Variants in LPIN1 observed in about 807,000 individuals in gnomAD.
LPIN1 encodes the protein lipin 1.
Under a neutral mutation model 107.5 loss-of-function variants are expected in LPIN1, and 71 were observed. The observed-to-expected ratio is 0.66, with a 90% confidence interval of 0.55 to 0.80. The LOEUF is 0.80. Ranked by LOEUF, LPIN1 falls within the 30% of genes least tolerant of loss-of-function variation. The pLI is 0.00. For synonymous variants in LPIN1, 445 were observed against 452.6 expected, an observed-to-expected ratio of 0.98 and a Z score of 0.21; for missense variants, 1,043 against 1,160.6, an observed-to-expected ratio of 0.90 and a Z score of 1.47.
intron 14 of LPIN1, among the ~76,000 whole-genome samples, chr2:11,801,149 G>A (rs1325467277): frequency 6.6e-6 from 1 of 152,224 alleles, no homozygotes; most frequent in Non-Finnish European, 1.5e-5. Flanking sequence ...CTTAAACACT[G>A]TTGGTGGGAA....
At chr2:11,741,585 C>T (rs146825473) in intron 2 of LPIN1, among the ~76,000 whole-genome samples, 152 of 151,652 alleles carry the variant, frequency 1.0e-3, no homozygotes, top group African/African-American at 3.4e-3. Context: ...GGCAACATGG[C>T]GAAACCCTGT....
intron 2 of LPIN1, among the ~76,000 whole-genome samples, chr2:11,715,292 C>T (rs1434916750): frequency 6.6e-6 from 1 of 152,156 alleles, no homozygotes; most frequent in Non-Finnish European, 1.5e-5. Flanking sequence ...GCAGGACACA[C>T]GAGAGGCAGG....
At chr2:11,762,433 G>T (rs562547073) in intron 1 of LPIN1, among the ~76,000 whole-genome samples, 2 of 151,202 alleles carry the variant, frequency 1.3e-5, no homozygotes, top group Admixed American at 6.6e-5. Context: ...GAGGTTGGGG[G>T]TGGGGTGGTG....
intron 1 of LPIN1, among the ~76,000 whole-genome samples, chr2:11,734,580 A>C (rs1665592564): frequency 6.6e-6 from 1 of 152,184 alleles, no homozygotes; most frequent in Non-Finnish European, 1.5e-5. Context: ...GACAGGAGAT[A>C]GTTTTGCATC....
chr2:11,683,449 A>T (rs896031829), intron 1 of LPIN1: 2 of 152,372 alleles, frequency 1.3e-5, no homozygotes, highest in Non-Finnish European at 2.9e-5. Flanking sequence ...GACATGGGAG[A>T]TGGGAGCGGC....
chr2:11,771,670 A>T lies in LPIN1; in HGVS notation c.587A>T (p.Glu196Val), dbSNP rs1308137197. ...MSSDEAMELLESSRTLPNDIP... is the reference protein window; with the variant it reads ...MSSDEAMELLVSSRTLPNDIP... ...TCGGATGAGGCCATGGAGCTGCTGG[A>T]GAGCAGCAGGTAATAACTGTCCAGG... The change falls in exon 4 of 21, where the codon GAG becomes GTG. Residue 196 changes from glutamate to valine, a missense_variant. Transcript: ENST00000674199. This position sits in a 1 kb window ranked among gnomAD's most constrained non-coding sequence, Gnocchi z 4.8. 1 of 1,589,840 alleles carries T rather than the reference A, an allele frequency of 6.3e-7. No individual in the cohort carries two copies. The highest frequency in any genetic ancestry group is 2.3e-5 in the East Asian group (1 of 44,254).
intron 17 of LPIN1, among the ~76,000 whole-genome samples, chr2:11,808,771 G>T (rs1466682474): frequency 7.2e-5 from 11 of 151,830 alleles, no homozygotes; most frequent in African/African-American, 1.9e-4. Flanking sequence ...CTGCTCGGGA[G>T]GCTGAGGCAG....
intron 14 of LPIN1, among the ~76,000 whole-genome samples, chr2:11,799,168 T>C (rs931449830): frequency 1.3e-5 from 2 of 152,194 alleles, no homozygotes; most frequent in Admixed American, 6.5e-5. Flanking sequence ...AACAGCCAAC[T>C]GCGCATCTCG....
chr2:11,783,759 C>T, intron 8 of LPIN1, 70 bp from the exon 9 acceptor site: 1 of 1,280,998 alleles, frequency 7.8e-7, no homozygotes, highest in South Asian at 1.2e-5. Context: ...AATGCTGTTT[C>T]TATAGATACA....
At chr2:11,715,574 T>C (rs76765806) in intron 2 of LPIN1, among the ~76,000 whole-genome samples, 1 of 152,266 alleles carries the variant, frequency 6.6e-6, no homozygotes, top group East Asian at 1.9e-4. Flanking sequence ...TTTCAGTGAA[T>C]CCTGAGCAGA....
chr2:11,705,161 G>C (rs1663066347), intron 1 of LPIN1, among the ~76,000 whole-genome samples: 1 of 152,214 alleles, frequency 6.6e-6, no homozygotes, highest in Non-Finnish European at 1.5e-5. Flanking sequence ...CTGAAATGCA[G>C]ATGGTGTGGT....
At chr2:11,817,793 T>C (rs1680825354) in intron 18 of LPIN1, 1 of 151,712 alleles carries the variant, frequency 6.6e-6, no homozygotes, top group South Asian at 2.1e-4. Flanking sequence ...CCGGGCATGG[T>C]GGCAGGCACC....
At position 11,784,929 on chromosome 2, in the gene LPIN1, G is replaced by T. The variant is rs866027062; in HGVS notation, c.1402G>T (p.Ala468Ser). Reference sequence around the variant, plus strand: ...CGCAAAACATGCAAGCGACAACGGAGCCCGGTCAGCCAACCAGTCCCCGCA... The same window carrying T: ...CGCAAAACATGCAAGCGACAACGGATCCCGGTCAGCCAACCAGTCCCCGCA... ...GLAKHASDNG[A>S]RSANQSPQSV... The change falls in exon 10 of 21, where the codon GCC (alanine) becomes TCC (serine). Residue 468 changes from alanine to serine, a missense_variant. By Grantham distance (99) the Ala-to-Ser change is moderately conservative. Transcript: ENST00000674199. The T allele has an allele frequency of 2.5e-6, 4 of 1,613,984 alleles. No homozygotes were observed. The highest frequency in any genetic ancestry group is 2.2e-5 in the South Asian group (2 of 91,090).
intron 15 of LPIN1, among the ~76,000 whole-genome samples, 169 bp from the exon 16 acceptor site, chr2:11,804,254 G>A (rs936600420): frequency 2.6e-5 from 4 of 152,110 alleles, no homozygotes; most frequent in Admixed American, 1.3e-4. Context: ...GTCCAGCCCC[G>A]GAAAGAACCA....
chr2:11,819,134 C>A, intron 18 of LPIN1: 1 of 261,822 alleles, frequency 3.8e-6, no homozygotes, highest in Non-Finnish European at 7.4e-6. Flanking sequence ...CACACTTTGC[C>A]CATACTTTCT....
At chr2:11,761,074 G>A (rs1669748876) in intron 1 of LPIN1, among the ~76,000 whole-genome samples, 1 of 152,176 alleles carries the variant, frequency 6.6e-6, no homozygotes, top group Non-Finnish European at 1.5e-5. Flanking sequence ...CATCTGAAAG[G>A]CTGCATTCCT....
At chr2:11,690,072 T>A (rs148758473) in intron 1 of LPIN1, among the ~76,000 whole-genome samples, 14 of 152,322 alleles carry the variant, frequency 9.2e-5, no homozygotes, top group African/African-American at 3.4e-4. Flanking sequence ...TTTTAGTTTT[T>A]GTTTTAAAGA....
intron 1 of LPIN1, among the ~76,000 whole-genome samples, chr2:11,731,092 G>T (rs748880828): frequency 3.3e-5 from 5 of 152,260 alleles, no homozygotes; most frequent in Non-Finnish European, 7.4e-5. Context: ...TTAAGTTCCG[G>T]GATACATGTG....
intron 2 of LPIN1, among the ~76,000 whole-genome samples, chr2:11,718,324 T>C (rs1424209564): frequency 2.0e-5 from 3 of 152,012 alleles, no homozygotes; most frequent in African/African-American, 7.3e-5. Context: ...ATCTCCTGAG[T>C]TCAAGTGATT....
Sources: gnomAD v4.1 joint callset for allele counts (sites outside exome capture counted in the v4.1 genomes callset) on GRCh38, gnomAD v4.1.1 for gene constraint, Gnocchi (gnomAD v3.1) non-coding constraint, MANE v1.5 for transcripts, NCBI Gene and HGNC (gene_info 2026-07-23, HGNC 2026-07-21) for gene names.